The following CNTN5 variants were observed in gnomAD, a reference collection of about 807,000 sequenced individuals.
The protein encoded by CNTN5 is contactin 5, also known as contactin-5.
Under a neutral mutation model 129.1 loss-of-function variants are expected in CNTN5, and 77 were observed. That is an observed-to-expected ratio of 0.60 (90% CI 0.50 to 0.72). The LOEUF (loss-of-function observed/expected upper bound fraction) is 0.72. Among genes scored for constraint, CNTN5 ranks in the 30% least tolerant of loss-of-function variants. The probability of loss-of-function intolerance (pLI) is 0.00; values close to 1 mark genes in which losing one functional copy is unlikely to be tolerated. For synonymous variants in CNTN5, 509 were observed against 465.6 expected (o/e 1.09, Z -1.20); for missense variants, 1,478 against 1,328.8 (o/e 1.11, Z -1.75).
chr11:99,958,719 C>T (rs1314465867), intron 8 of CNTN5, among the ~76,000 whole-genome samples: 1 of 152,164 alleles, frequency 6.6e-6, no homozygotes, highest in Non-Finnish European at 1.5e-5. Context: ...TCTCTATAAG[C>T]TATTTCTCCA....
chr11:99,374,491 G>A (rs1287979523), intron 2 of CNTN5, among the ~76,000 whole-genome samples: 1 of 151,996 alleles, frequency 6.6e-6, no homozygotes, highest in East Asian at 1.9e-4. Flanking sequence ...AGACCATCCT[G>A]GCTAACACGG....
intron 2 of CNTN5, among the ~76,000 whole-genome samples, chr11:99,410,164 T>C (rs1942326535): frequency 6.6e-6 from 1 of 152,196 alleles, no homozygotes; most frequent in Admixed American, 6.5e-5. Flanking sequence ...TGGTGAATTA[T>C]AGGAAAAAGA....
intron 1 of CNTN5, among the ~76,000 whole-genome samples, chr11:99,239,966 C>A (rs1320684206): frequency 6.6e-6 from 1 of 150,994 alleles, no homozygotes; most frequent in African/African-American, 2.4e-5. Flanking sequence ...ATTTAAAAAG[C>A]GAGTAGTCCT....
At chr11:100,216,845 G>A (rs1949148026) in intron 15 of CNTN5, among the ~76,000 whole-genome samples, 1 of 152,064 alleles carries the variant, frequency 6.6e-6, no homozygotes, top group Non-Finnish European at 1.5e-5. Context: ...ATTAACTAGT[G>A]CAAGTGAATG....
chr11:99,924,144 G>A (rs565311506), intron 7 of CNTN5, among the ~76,000 whole-genome samples: 1 of 152,288 alleles, frequency 6.6e-6, no homozygotes, highest in African/African-American at 2.4e-5. Flanking sequence ...GTATAAGATG[G>A]TATCTCATTG....
intron 21 of CNTN5, chr11:100,337,456 T>C (rs1223298204): frequency 8.0e-6 from 6 of 748,352 alleles, no homozygotes; most frequent in South Asian, 2.7e-5. Flanking sequence ...GTGTTGAATG[T>C]GATTAAGTCT....
intron 9 of CNTN5, among the ~76,000 whole-genome samples, chr11:100,048,206 C>A (rs1456128586): frequency 6.6e-6 from 1 of 152,098 alleles, no homozygotes; most frequent in Non-Finnish European, 1.5e-5. Context: ...TACCATCAGA[C>A]ATTAGAACTA....
At chr11:99,592,883 G>A (rs1008291491) in intron 3 of CNTN5, among the ~76,000 whole-genome samples, 1 of 152,158 alleles carries the variant, frequency 6.6e-6, no homozygotes, top group Admixed American at 6.5e-5. Flanking sequence ...CATGGTAACA[G>A]AGGATGTGGA....
chr11:99,219,790 A>G (rs1860309897), intron 1 of CNTN5, among the ~76,000 whole-genome samples: 1 of 151,986 alleles, frequency 6.6e-6, no homozygotes, highest in Admixed American at 6.6e-5. Flanking sequence ...GGGAAAGGAT[A>G]GAAGCAAGGA....
At chr11:100,182,183 TGTAAAGCCTGTG>T (rs1378316879) in intron 13 of CNTN5, among the ~76,000 whole-genome samples, 1 of 152,100 alleles carries the variant, frequency 6.6e-6, no homozygotes. Context: ...TTAACAGTGA[TGTAAAGCCTGTG>T]GGAAAATACA....
At chr11:99,923,329 C>T (rs1025697152) in intron 7 of CNTN5, among the ~76,000 whole-genome samples, 5 of 151,866 alleles carry the variant, frequency 3.3e-5, no homozygotes, top group Admixed American at 3.3e-4. Flanking sequence ...TTTTGATTGC[C>T]AAAAAACGTG....
intron 3 of CNTN5, among the ~76,000 whole-genome samples, chr11:99,651,174 C>G (rs1174667648): frequency 6.6e-6 from 1 of 151,848 alleles, no homozygotes; most frequent in Non-Finnish European, 1.5e-5. Context: ...TATATCACAG[C>G]TCATGTAGCC....
At position 100,029,969 on chromosome 11, in the gene CNTN5, A is replaced by C. The variant is rs190542542; in HGVS notation, c.980+27833A>C. 1.3e-3 allele frequency among the ~76,000 whole-genome samples: 195 copies of C among 152,318 alleles called. 1 individual carries two copies. The highest frequency in any genetic ancestry group is 3.4e-3 in the Middle Eastern group (1 of 294). ...GCTTTACTTGAATGGAAATTCATTA[A>C]AAACACTGTGCTCCACAAATATAAA... On this transcript the variant is annotated intron_variant, in intron 9 of 24. Coordinates refer to ENST00000524871, the MANE Select transcript of CNTN5 (RefSeq NM_014361.4).
At chr11:99,179,602 CAT>C (rs1243779435) in intron 1 of CNTN5, among the ~76,000 whole-genome samples, 2 of 152,040 alleles carry the variant, frequency 1.3e-5, no homozygotes, top group African/African-American at 4.8e-5. Context: ...AGGATGATGC[CAT>C]ATGATCCATA....
At chr11:100,005,727 A>T (rs11222310) in intron 9 of CNTN5, among the ~76,000 whole-genome samples, 8,595 of 152,190 alleles carry the variant, frequency 0.056, 284 homozygotes, top group Non-Finnish European at 0.077. Context: ...GATAAGAGAG[A>T]TTTATCATAT....
chr11:99,379,006 T>C (rs1940357508), intron 2 of CNTN5, among the ~76,000 whole-genome samples: 1 of 152,026 alleles, frequency 6.6e-6, no homozygotes, highest in Admixed American at 6.5e-5. Context: ...CACATGATAT[T>C]CAATAAAATA....
chr11:99,316,515 C>G (rs771171582), intron 1 of CNTN5, among the ~76,000 whole-genome samples: 1 of 151,864 alleles, frequency 6.6e-6, no homozygotes, highest in Non-Finnish European at 1.5e-5. Context: ...TGAAAATAAA[C>G]ATTTAGGTGT....
intron 3 of CNTN5, among the ~76,000 whole-genome samples, chr11:99,730,156 T>G (rs576252437): frequency 1.4e-4 from 21 of 152,298 alleles, no homozygotes; most frequent in African/African-American, 4.8e-4. Flanking sequence ...ACTTATATTG[T>G]GAATAACTAT....
intron 2 of CNTN5, among the ~76,000 whole-genome samples, chr11:99,554,231 T>G (rs1471108697): frequency 6.6e-6 from 1 of 152,160 alleles, no homozygotes; most frequent in African/African-American, 2.4e-5. Context: ...TTTACTCTGT[T>G]AATTTCTTCA....
Sources: allele counts gnomAD v4.1 joint callset (sites outside exome capture counted in the v4.1 genomes callset), GRCh38; gene constraint gnomAD v4.1.1; transcripts MANE v1.5; gene names NCBI Gene and HGNC (gene_info 2026-07-23, HGNC 2026-07-21).